CDC40: variants seen among roughly 807,000 people sequenced by gnomAD.
The protein encoded by CDC40 is pre-mRNA-processing factor 17.
Under a neutral mutation model 80.6 loss-of-function variants are expected in CDC40, and 27 were observed. That is an observed-to-expected ratio of 0.33 (90% confidence interval 0.25 to 0.46). The LOEUF (loss-of-function observed/expected upper bound fraction) is 0.46. Ranked by LOEUF, CDC40 falls within the 20% of genes least tolerant of loss-of-function variation. The probability of loss-of-function intolerance (pLI) is 1.00; values close to 1 mark genes in which losing one functional copy is unlikely to be tolerated. For synonymous variants in CDC40, 221 were observed against 232.6 expected (o/e 0.95, Z 0.45); for missense variants, 486 against 694.1 (o/e 0.70, Z 3.37).
intron 2 of CDC40, among the ~76,000 whole-genome samples, chr6:110,199,500 A>G (rs759083642): frequency 2.5e-4 from 38 of 151,708 alleles, no homozygotes; most frequent in Non-Finnish European, 5.3e-4. Flanking sequence ...AGGCTGAGGC[A>G]GGAGAATGGT....
intron 2 of CDC40, among the ~76,000 whole-genome samples, chr6:110,193,664 C>CAA (rs1310359790): frequency 8.5e-5 from 13 of 152,164 alleles, no homozygotes; most frequent in Admixed American, 8.5e-4. Context: ...CTGGGCCTCC[C>CAA]AAAGTGCTGG....
chr6:110,220,453 T>A (rs1584081481), intron 12 of CDC40, among the ~76,000 whole-genome samples: 1 of 144,342 alleles, frequency 6.9e-6, no homozygotes, highest in Non-Finnish European at 1.5e-5. Context: ...CTTTTTTTTT[T>A]TTTTTTTTTT....
At chr6:110,193,126 CTAAAA>C in intron 1 of CDC40, 51 bp from the exon 2 acceptor site, 3 of 1,081,464 alleles carry the variant, frequency 2.8e-6, no homozygotes, top group Non-Finnish European at 4.3e-6. Context: ...AATGTGGCTT[CTAAAA>C]TAAAATAGTC....
At chr6:110,222,442 A>G (rs1394557340) in intron 12 of CDC40, among the ~76,000 whole-genome samples, 1 of 152,060 alleles carries the variant, frequency 6.6e-6, no homozygotes, top group Non-Finnish European at 1.5e-5. Context: ...GTGTAATCCC[A>G]GCTACTTGGG....
intron 8 of CDC40, among the ~76,000 whole-genome samples, chr6:110,213,498 T>C (rs1415332954): frequency 1.3e-5 from 2 of 151,524 alleles, no homozygotes; most frequent in Non-Finnish European, 2.9e-5. Flanking sequence ...CATGCCATTC[T>C]CCTGCCTCGG....
intron 14 of CDC40, among the ~76,000 whole-genome samples, chr6:110,229,546 G>C (rs1258246161): frequency 6.6e-6 from 1 of 152,174 alleles, no homozygotes; most frequent in Non-Finnish European, 1.5e-5. Flanking sequence ...TTCAGTCTTA[G>C]ATGTATTCAA....
chr6:110,209,399 T>G (rs1462670115), intron 5 of CDC40, 176 bp downstream of exon 5: 2 of 505,410 alleles, frequency 4.0e-6, no homozygotes, highest in Non-Finnish European at 7.0e-6. Flanking sequence ...TGGGATATTT[T>G]TATTTACCTT....
At chr6:110,189,823 A>G (rs1033549577) in intron 1 of CDC40, among the ~76,000 whole-genome samples, 7 of 152,094 alleles carry the variant, frequency 4.6e-5, no homozygotes, top group African/African-American at 1.7e-4. Flanking sequence ...TTTACCACCA[A>G]ATATTTTCAG....
intron 5 of CDC40, among the ~76,000 whole-genome samples, chr6:110,210,159 A>G (rs1777616875): frequency 6.6e-6 from 1 of 152,014 alleles, no homozygotes; most frequent in African/African-American, 2.4e-5. Flanking sequence ...TCACAGAAGG[A>G]TAAGTTTTGA....
intron 12 of CDC40, among the ~76,000 whole-genome samples, chr6:110,225,416 A>G (rs1386040212): frequency 6.6e-6 from 1 of 150,810 alleles, no homozygotes; most frequent in Non-Finnish European, 1.5e-5. Context: ...GCTACTTTTT[A>G]ATTTTTTTTT....
At chr6:110,218,821 A>ATTT (rs71865877) in intron 10 of CDC40, among the ~76,000 whole-genome samples, 8 of 134,112 alleles carry the variant, frequency 6.0e-5, no homozygotes, top group Non-Finnish European at 9.7e-5. Context: ...ATATTCAGTG[A>ATTT]TTTTTTTTTT....
At chr6:110,210,443 C>T (rs941723017) in intron 5 of CDC40, among the ~76,000 whole-genome samples, 1 of 148,926 alleles carries the variant, frequency 6.7e-6, no homozygotes, top group African/African-American at 2.5e-5. Context: ...CCCAGCTACT[C>T]GGGAGGCTGA....
chr6:110,196,409 C>T (rs1231962215), intron 2 of CDC40, among the ~76,000 whole-genome samples: 1 of 152,126 alleles, frequency 6.6e-6, no homozygotes, highest in Non-Finnish European at 1.5e-5. Context: ...GGATAGAACT[C>T]GAAGACATAG....
At chr6:110,213,883 A>G (rs1490938778) in intron 8 of CDC40, among the ~76,000 whole-genome samples, 3 of 152,098 alleles carry the variant, frequency 2.0e-5, no homozygotes, top group East Asian at 1.9e-4. Flanking sequence ...TCCGTTGCCA[A>G]TGCATCTCAA....
At chr6:110,223,797 G>A (rs926952023) in intron 12 of CDC40, among the ~76,000 whole-genome samples, 3 of 145,880 alleles carry the variant, frequency 2.1e-5, no homozygotes, top group Middle Eastern at 3.3e-3. Flanking sequence ...TCAGCAACTT[G>A]TAGGGTTTTG....
intron 2 of CDC40, among the ~76,000 whole-genome samples, chr6:110,198,668 C>T (rs1777451171): frequency 6.6e-6 from 1 of 152,110 alleles, no homozygotes; most frequent in Admixed American, 6.5e-5. Context: ...AAGGAGATTG[C>T]AATTATAATT....
chr6:110,213,218 TTTGA>T, intron 8 of CDC40, 58 bp downstream of exon 8: 1 of 1,100,922 alleles, frequency 9.1e-7, no homozygotes, highest in Admixed American at 1.7e-5. Context: ...TTTAAATCTG[TTTGA>T]TTAATTATAA....
In CDC40 at chr6:110,228,582, T is replaced by A. The variant is rs185459729; in HGVS notation, c.1418-250T>A. Among the ~76,000 whole-genome samples, 1,193 of 152,144 alleles carry A rather than the reference T, an allele frequency of 7.8e-3. 11 individuals carry two copies. The highest frequency in any genetic ancestry group is 0.01 in the Non-Finnish European group (700 of 67,960). ...GAATTTCTATATTTCCTTATTTTTT[T>A]AAAAACTTTTATATGAGAGTGCTCA... is the stretch of plus-strand genomic sequence containing the variant. On this transcript the variant is annotated intron_variant, in intron 13 of 14. Transcript: ENST00000307731.
chr6:110,202,683 T>G (rs574484191), intron 3 of CDC40, among the ~76,000 whole-genome samples: 3 of 152,100 alleles, frequency 2.0e-5, no homozygotes, highest in Non-Finnish European at 4.4e-5. Context: ...GGTTGTGTTT[T>G]TTTGTTTGTT....
Sources: gnomAD v4.1 joint callset for allele counts (sites outside exome capture counted in the v4.1 genomes callset) on GRCh38, gnomAD v4.1.1 for gene constraint, MANE v1.5 for transcripts, NCBI Gene and HGNC (gene_info 2026-07-23, HGNC 2026-07-21) for gene names.